Variants in TACR3 observed in about 807,000 individuals in gnomAD.
TACR3 encodes neuromedin-K receptor.
A neutral mutation model predicts 35.0 loss-of-function variants in TACR3; 34 were observed. That is an observed-to-expected ratio of 0.97 (90% CI 0.74 to 1.30). TACR3 has a LOEUF of 1.30. Ranked by LOEUF, TACR3 falls within the 50% of genes most tolerant of loss-of-function variation. TACR3 has a pLI of 0.00. For missense variants in TACR3, 558 were observed against 591.7 expected (o/e 0.94, Z 0.59); for synonymous variants, 233 against 221.1 (o/e 1.05, Z -0.48).
At chr4:103,609,018 G>A (rs866241737) in intron 3 of TACR3, among the ~76,000 whole-genome samples, 1 of 152,090 alleles carries the variant, frequency 6.6e-6, no homozygotes, top group Non-Finnish European at 1.5e-5. Flanking sequence ...TTAGAAAACA[G>A]TGTATTCTTC....
At chr4:103,662,708 A>G in intron 1 of TACR3, among the ~76,000 whole-genome samples, 1 of 152,290 alleles carries the variant, frequency 6.6e-6, no homozygotes, top group East Asian at 1.9e-4. Flanking sequence ...ATTTGGAAAC[A>G]GATATGTAGG....
intron 3 of TACR3, among the ~76,000 whole-genome samples, chr4:103,637,976 G>A (rs917458609): frequency 5.3e-5 from 8 of 152,182 alleles, no homozygotes; most frequent in Admixed American, 1.3e-4. Flanking sequence ...CATGCTCATG[G>A]GTAGGAAGAA....
intron 1 of TACR3, among the ~76,000 whole-genome samples, chr4:103,680,522 T>TAC (rs1553911014): frequency 1.4e-5 from 2 of 146,720 alleles, no homozygotes; most frequent in African/African-American, 2.6e-5. Flanking sequence ...CATATATATA[T>TAC]ACACATATAT....
rs1274261076 is a variant in TACR3 at position 103,718,713 on chromosome 4, G to C, written c.548+415C>G. On this transcript the variant is annotated intron_variant, in intron 1 of 4. Coordinates refer to ENST00000304883, the MANE Select transcript of TACR3 (RefSeq NM_001059.3). Reference sequence around the variant, plus strand: ...GGGGCGACTCATTTACCATTTCTCTGCCAGAATAGTGACTGACAGAGAGAA... The same window carrying C: ...GGGGCGACTCATTTACCATTTCTCTCCCAGAATAGTGACTGACAGAGAGAA... 2.6e-5 allele frequency among the ~76,000 whole-genome samples: 4 copies of C among 152,168 alleles called. No homozygotes were observed. The South Asian group carries it at 8.3e-4, about 32-fold the overall frequency.
At chr4:103,640,972 A>T (rs1725343620) in intron 3 of TACR3, among the ~76,000 whole-genome samples, 2 of 151,986 alleles carry the variant, frequency 1.3e-5, no homozygotes, top group Non-Finnish European at 2.9e-5. Flanking sequence ...CAAAAAAATA[A>T]TTATTCAGAC....
At chr4:103,623,325 G>A (rs920879281) in intron 3 of TACR3, among the ~76,000 whole-genome samples, 2 of 152,070 alleles carry the variant, frequency 1.3e-5, no homozygotes, top group East Asian at 3.9e-4. Context: ...TCAGAGAGAA[G>A]AGAATCTGAT....
At chr4:103,693,489 A>T (rs1390488075) in intron 1 of TACR3, among the ~76,000 whole-genome samples, 1 of 152,098 alleles carries the variant, frequency 6.6e-6, no homozygotes, top group South Asian at 2.1e-4. Flanking sequence ...TTTCTTCATC[A>T]TTGCATTACC....
In TACR3 at chr4:103,650,694, T is replaced by A. The variant is rs1459412775; in HGVS notation, c.888+5500A>T. 4.0e-4 allele frequency among the ~76,000 whole-genome samples: 3 copies of A among 7,492 alleles called. 1 individual carries two copies. Among genetic ancestry groups the A allele is most frequent in the Non-Finnish European group, 5.4e-4 (3 of 5,590 alleles). The allele number at this position is 7,492 out of a possible 152,430, so 4.9% of individuals were successfully genotyped here. A position where few individuals can be genotyped will look rare whatever the true frequency, so the allele number is the denominator to read the frequency against. On this transcript the variant is annotated intron_variant, in intron 3 of 4. Coordinates refer to ENST00000304883, the MANE Select transcript of TACR3 (RefSeq NM_001059.3). ...AATATATATTATATCATATATAATA[T>A]ATATTTATATATATAAATATATATA... is the stretch of plus-strand genomic sequence containing the variant.
intron 3 of TACR3, among the ~76,000 whole-genome samples, chr4:103,601,754 A>C (rs1298820926): frequency 2.0e-5 from 3 of 152,188 alleles, no homozygotes; most frequent in Non-Finnish European, 4.4e-5. Context: ...CTGAGAGATC[A>C]GGTGTTAGTC....
chr4:103,662,217 G>GGTTTTTTTTTTTTTTTTTTTTTTTTTTTT (rs1553972885), intron 1 of TACR3, among the ~76,000 whole-genome samples: 1 of 86,272 alleles, frequency 1.2e-5, no homozygotes, highest in African/African-American at 5.1e-5. Context: ...TGTTGATGGT[G>GGTTTTTTTTTTTTTTTTTTTTTTTTTTTT]TTTTTTTTTT....
chr4:103,625,921 T>G (rs1326445708), intron 3 of TACR3, among the ~76,000 whole-genome samples: 1 of 152,120 alleles, frequency 6.6e-6, no homozygotes, highest in Non-Finnish European at 1.5e-5. Flanking sequence ...CAGAAGAGAT[T>G]AGGACACAGA....
At chr4:103,619,309 C>A (rs765114363) in intron 3 of TACR3, among the ~76,000 whole-genome samples, 3 of 152,138 alleles carry the variant, frequency 2.0e-5, no homozygotes, top group Non-Finnish European at 4.4e-5. Flanking sequence ...CCTGCCCCAG[C>A]CTCCTGAGTA....
At chr4:103,665,673 A>G (rs1016384583) in intron 1 of TACR3, among the ~76,000 whole-genome samples, 1 of 152,170 alleles carries the variant, frequency 6.6e-6, no homozygotes, top group African/African-American at 2.4e-5. Flanking sequence ...GTTAGAAATT[A>G]TCACACAAAT....
chr4:103,662,458 G>C (rs1333352537), intron 1 of TACR3, among the ~76,000 whole-genome samples: 3 of 152,134 alleles, frequency 2.0e-5, no homozygotes, highest in African/African-American at 7.2e-5. Flanking sequence ...GACCTCAGGT[G>C]ATCTGCCTGC....
chr4:103,685,610 T>C (rs1206133459), intron 1 of TACR3, among the ~76,000 whole-genome samples: 1 of 152,068 alleles, frequency 6.6e-6, no homozygotes, highest in African/African-American at 2.4e-5. Flanking sequence ...ATCACATACC[T>C]GACAAAGTAC....
intron 3 of TACR3, among the ~76,000 whole-genome samples, chr4:103,600,928 C>G (rs1482182537): frequency 2.0e-5 from 3 of 152,020 alleles, no homozygotes; most frequent in Non-Finnish European, 4.4e-5. Context: ...GAAAAGAATG[C>G]ATATTTTGTT....
intron 3 of TACR3, among the ~76,000 whole-genome samples, chr4:103,616,150 T>G (rs1461223446): frequency 6.6e-6 from 1 of 152,174 alleles, no homozygotes; most frequent in Admixed American, 6.5e-5. Flanking sequence ...ATGCAAAGTT[T>G]TAAGTGAAAC....
chr4:103,640,449 G>A (rs1327094351), intron 3 of TACR3, among the ~76,000 whole-genome samples: 2 of 151,528 alleles, frequency 1.3e-5, no homozygotes, highest in Admixed American at 1.3e-4. Context: ...CATATTTGTT[G>A]GCCATTTGTA....
chr4:103,644,791 TTAA>T (rs946093618), intron 3 of TACR3, among the ~76,000 whole-genome samples: 2 of 151,574 alleles, frequency 1.3e-5, no homozygotes, highest in East Asian at 1.9e-4. Flanking sequence ...GGTTTTATGA[TTAA>T]TAATAATATG....
Sources: allele counts gnomAD v4.1 joint callset (sites outside exome capture counted in the v4.1 genomes callset), GRCh38; gene constraint gnomAD v4.1.1; transcripts MANE v1.5; gene names NCBI Gene and HGNC (gene_info 2026-07-23, HGNC 2026-07-21).